The following UBE3A variants were observed in gnomAD, a reference collection of about 807,000 sequenced individuals.
UBE3A encodes ubiquitin-protein ligase E3A.
UBE3A carries 6 observed loss-of-function variants against 83.4 expected under a neutral mutation model. That is an observed-to-expected ratio of 0.07 (90% confidence interval 0.04 to 0.14). The LOEUF (loss-of-function observed/expected upper bound fraction) is 0.14, where lower values mean the gene tolerates loss of function less well. Ranked by LOEUF, UBE3A falls within the 10% of genes least tolerant of loss-of-function variation. The pLI is 1.00. For synonymous variants in UBE3A, 337 were observed against 355.4 expected (o/e 0.95, Z 0.58); for missense variants, 456 against 1,036.1 (o/e 0.44, Z 7.69).
At chr15:25,339,622 C>G (rs988863489) in intron 12 of UBE3A, 1 of 273,908 alleles carries the variant, frequency 3.7e-6, no homozygotes, top group African/African-American at 2.2e-5. Flanking sequence ...GTAACTTCCT[C>G]TAAGGTGGAG....
Position 25,371,187 on chromosome 15 carries a change from A to T in UBE3A, c.987T>A (p.Asn329Lys). 1 of 1,614,168 alleles carries T rather than the reference A, an allele frequency of 6.2e-7. No homozygotes were observed. Among genetic ancestry groups the T allele is most frequent in the Non-Finnish European group, 8.5e-7 (1 of 1,180,026 alleles). Residue 329 changes from asparagine to lysine, a missense_variant, in exon 6 of 13, where the codon AAT becomes AAA. Physicochemically the swap from Asn to Lys is moderately conservative, Grantham distance 94. Transcript: ENST00000648336. The surrounding 1 kb of genome is among the most constrained non-coding windows in gnomAD (Gnocchi z 5.3). ...CCATCATTCTCCGAATCTGGTCTGCATTGTATTTAGACCACAGTCTGATCA... is the reference window on the plus strand; with the variant it reads ...CCATCATTCTCCGAATCTGGTCTGCTTTGTATTTAGACCACAGTCTGATCA... The part of the protein sequence containing the change: ...GKLIRLWSKY[N>K]ADQIRRMMET...
chr15:25,359,420 T>TGTGC (rs1204009664), intron 7 of UBE3A, among the ~76,000 whole-genome samples: 1 of 50,620 alleles, frequency 2.0e-5, no homozygotes, highest in Non-Finnish European at 3.6e-5. Flanking sequence ...AAGGGATGCG[T>TGTGC]GTGTGTGTGT....
chr15:25,430,313 TTA>T (rs1355389002), intron 1 of UBE3A, among the ~76,000 whole-genome samples: 21 of 95,354 alleles, frequency 2.2e-4, no homozygotes, highest in African/African-American at 8.8e-4. Context: ...ATATATAAGA[TTA>T]TATATATATT....
Position 25,370,455 on chromosome 15 carries a change from G to C in UBE3A, c.1608+111C>G, listed in dbSNP as rs2080140212. The C allele has an allele frequency of 3.2e-6, 4 of 1,252,520 alleles. No homozygotes were observed. Among genetic ancestry groups the C allele is most frequent in the Non-Finnish European group, 4.7e-6 (4 of 854,090 alleles). The allele number at this position is 1,252,520 out of a possible 1,614,324, so 77.6% of individuals were successfully genotyped here. A position where few individuals can be genotyped will look rare whatever the true frequency, so the allele number is the denominator to read the frequency against. The stretch of plus-strand genomic sequence containing the variant: ...CTTATATAAGATCAGAAATGTCCAT[G>C]TGTTCCTATGCTATATGGTATCATT... On this transcript the variant is annotated intron_variant, in intron 6 of 12. Coordinates refer to ENST00000648336, the MANE Select transcript of UBE3A (RefSeq NM_130839.5). This position sits in a 1 kb window ranked among gnomAD's most constrained non-coding sequence, Gnocchi z 4.2.
intron 3 of UBE3A, chr15:25,408,411 T>C (rs993638947): frequency 9.1e-6 from 6 of 657,314 alleles, no homozygotes; most frequent in African/African-American, 3.6e-5. Context: ...TATTAAACTA[T>C]TGACTTAGGT....
chr15:25,400,340 T>C (rs117450254), intron 4 of UBE3A, among the ~76,000 whole-genome samples: 1,946 of 152,322 alleles, frequency 0.013, 17 homozygotes, highest in Middle Eastern at 0.037. Context: ...GTATAGTATT[T>C]GCATACAACC....
intron 11 of UBE3A, among the ~76,000 whole-genome samples, chr15:25,351,640 T>C (rs2076523968): frequency 6.6e-6 from 1 of 152,156 alleles, no homozygotes; most frequent in Non-Finnish European, 1.5e-5. Context: ...CAGCTAATTT[T>C]TGTATTTTTA....
intron 1 of UBE3A, chr15:25,421,925 C>A (rs1596420235): frequency 1.3e-5 from 2 of 152,192 alleles, no homozygotes; most frequent in South Asian, 4.2e-4. Flanking sequence ...CATAAACTTA[C>A]CATGTGACCC....
intron 1 of UBE3A, among the ~76,000 whole-genome samples, chr15:25,428,225 C>T (rs180766184): frequency 6.6e-6 from 1 of 151,966 alleles, no homozygotes; most frequent in South Asian, 2.1e-4. Context: ...TATATTTAAC[C>T]TCAATACAAA....
At chr15:25,365,986 A>G (rs1041403453) in intron 6 of UBE3A, among the ~76,000 whole-genome samples, 1 of 152,174 alleles carries the variant, frequency 6.6e-6, no homozygotes, top group Non-Finnish European at 1.5e-5. Flanking sequence ...TCTATTTCCA[A>G]TTCTGCCATT....
intron 1 of UBE3A, among the ~76,000 whole-genome samples, chr15:25,425,350 A>G (rs1295884766): frequency 1.3e-5 from 2 of 152,178 alleles, no homozygotes; most frequent in Admixed American, 1.3e-4. Context: ...TATTTTGGGG[A>G]TGATGAAAAT....
intron 11 of UBE3A, among the ~76,000 whole-genome samples, chr15:25,352,344 A>C (rs1312357668): frequency 6.6e-6 from 1 of 152,226 alleles, no homozygotes; most frequent in East Asian, 1.9e-4. Flanking sequence ...CAAAATATCT[A>C]TACAGGCATA....
At chr15:25,393,242 G>A (rs982668899) in intron 4 of UBE3A, among the ~76,000 whole-genome samples, 3 of 152,158 alleles carry the variant, frequency 2.0e-5, no homozygotes, top group Non-Finnish European at 4.4e-5. Flanking sequence ...TTTGTAAGAG[G>A]TAAATAAGCT....
At position 25,339,083 on chromosome 15, in the gene UBE3A, ATTTTTTCTTT is replaced by A. The variant is rs1201610833; in HGVS notation, c.*44_*53del. ...TCGTTATATTTTTAAAATTTTTTAA[ATTTTTTCTTT>A]TTTTTTCCTTCCTTTTTTTTGTTTT... is the stretch of plus-strand genomic sequence containing the variant. On this transcript the variant is annotated 3_prime_UTR_variant, in exon 13 of 13. Transcript: ENST00000648336. 4.7e-6 allele frequency: 7 copies of A among 1,476,254 alleles called. No homozygotes were observed. The highest frequency in any genetic ancestry group is 2.5e-4 in the Middle Eastern group (1 of 4,070). 91.4% of individuals were successfully genotyped at this position (1,476,254 alleles called of 1,614,324 possible).
chr15:25,362,325 C>CCA (rs1363360796), intron 6 of UBE3A, among the ~76,000 whole-genome samples: 7 of 152,120 alleles, frequency 4.6e-5, no homozygotes, highest in Non-Finnish European at 8.8e-5. Flanking sequence ...CATTTTTAGG[C>CCA]CACACAGTTT....
intron 1 of UBE3A, among the ~76,000 whole-genome samples, chr15:25,412,506 C>T (rs1376664991): frequency 6.6e-6 from 1 of 152,042 alleles, no homozygotes; most frequent in East Asian, 1.9e-4. Flanking sequence ...CAAAACAGGA[C>T]TTCAATATAC....
intron 4 of UBE3A, among the ~76,000 whole-genome samples, chr15:25,394,988 G>C (rs892930947): frequency 6.6e-6 from 1 of 152,114 alleles, no homozygotes. Context: ...GCAAGTTAAG[G>C]GGAATGCAGA....
chr15:25,341,382 A>T (rs2074759398), intron 11 of UBE3A, among the ~76,000 whole-genome samples: 1 of 151,902 alleles, frequency 6.6e-6, no homozygotes, highest in Admixed American at 6.6e-5. Flanking sequence ...ATAGCTAAAT[A>T]ATGTTAAGAT....
chr15:25,379,665 G>A lies in UBE3A; in HGVS notation c.63-3902C>T, dbSNP rs933156390. 6.6e-5 allele frequency among the ~76,000 whole-genome samples: 10 copies of A among 152,206 alleles called. No individual in the cohort carries two copies. The East Asian group carries it at 1.4e-3, about 21-fold the overall frequency. ...TTAGAGCACATAAAAGGGCCTCTAC[G>A]TTGGAAAAGTATACACTAATAACGA... On this transcript the variant is annotated intron_variant, in intron 4 of 12. Transcript: ENST00000648336.
Sources: gnomAD v4.1 joint callset for allele counts (sites outside exome capture counted in the v4.1 genomes callset) on GRCh38, gnomAD v4.1.1 for gene constraint, Gnocchi (gnomAD v3.1) non-coding constraint, MANE v1.5 for transcripts, NCBI Gene and HGNC (gene_info 2026-07-23, HGNC 2026-07-21) for gene names.